The following KCNMA1 variants were observed in gnomAD, a reference collection of about 807,000 sequenced individuals.
KCNMA1 encodes potassium calcium-activated channel subfamily M alpha 1, also known as Calcium-activated potassium channel subunit alpha-1.
In KCNMA1, 29 loss-of-function variants were observed where a neutral mutation model predicts 140.0. The ratio of observed to expected loss-of-function variants is 0.21; its 90% CI spans 0.15 to 0.28. The LOEUF (loss-of-function observed/expected upper bound fraction) is 0.28, where lower values mean the gene tolerates loss of function less well. KCNMA1 is among the 10% of genes least tolerant of loss of function. The pLI is 1.00. For synonymous variants in KCNMA1, 612 were observed against 611.9 expected (o/e 1.00, Z 0.00); for missense variants, 880 against 1,602.2 (o/e 0.55, Z 7.70).
rs139142333 is a variant in KCNMA1 at position 77,269,128 on chromosome 10, C to A, written c.541-17872G>T. Among the ~76,000 whole-genome samples, 63 of 152,280 alleles carry A rather than the reference C, an allele frequency of 4.1e-4. No homozygotes were observed. The East Asian group carries it at 0.011, about 27-fold the overall frequency. ...CTTCATTTCAGGGGCTTCTAGAAGA[C>A]CCCCTTTCCCCGAAAAGTATTCTCT... On this transcript the variant is annotated intron_variant, in intron 2 of 27. Coordinates refer to ENST00000286628, the MANE Select transcript of KCNMA1 (RefSeq NM_001161352.2).
intron 3 of KCNMA1, among the ~76,000 whole-genome samples, chr10:77,218,980 C>T (rs2048694008): frequency 6.6e-6 from 1 of 152,134 alleles, no homozygotes; most frequent in African/African-American, 2.4e-5. Context: ...AGCTACTGCG[C>T]CTGGCCTTAT....
chr10:77,236,563 C>A (rs1196031820), intron 3 of KCNMA1, among the ~76,000 whole-genome samples: 1 of 152,222 alleles, frequency 6.6e-6, no homozygotes, highest in Admixed American at 6.5e-5. Flanking sequence ...CTGCAACCAG[C>A]AAGTATGCTG....
intron 16 of KCNMA1, 189 bp from the exon 17 acceptor site, chr10:77,019,288 CACT>C (rs1233579185): frequency 5.0e-6 from 3 of 597,284 alleles, no homozygotes; most frequent in Non-Finnish European, 9.0e-6. Flanking sequence ...CATCATTAAG[CACT>C]ACTGCTTACT....
chr10:77,488,517 T>A (rs970316870), intron 1 of KCNMA1, among the ~76,000 whole-genome samples: 3 of 152,094 alleles, frequency 2.0e-5, no homozygotes, highest in African/African-American at 7.2e-5. Context: ...TGAGCCAGCA[T>A]CCCCTTCTGA....
chr10:77,053,092 C>T (rs2095428662), intron 14 of KCNMA1, among the ~76,000 whole-genome samples: 1 of 152,162 alleles, frequency 6.6e-6, no homozygotes, highest in Admixed American at 6.5e-5. Flanking sequence ...CAGGCCATCA[C>T]CCTGCAGTTG....
At chr10:76,909,210 A>G (rs777812288) in intron 25 of KCNMA1, among the ~76,000 whole-genome samples, 3 of 151,962 alleles carry the variant, frequency 2.0e-5, no homozygotes, top group Non-Finnish European at 2.9e-5. Context: ...CTCATGCTCA[A>G]TCTTTTCCCA....
rs76986175 is a variant in KCNMA1 at position 76,932,948 on chromosome 10, C to T, written c.2902+11825G>A. Among the ~76,000 whole-genome samples the T allele has an allele frequency of 4.4e-3, 671 of 152,220 alleles. 5 individuals are homozygous for T. Among genetic ancestry groups the T allele is most frequent in the African/African-American group, 0.015 (640 of 41,548 alleles). On this transcript the variant is annotated intron_variant, in intron 23 of 27. Transcript: ENST00000286628. ...AGGTCTCAGTCCTACAGCCTTGGGC[C>T]CTGGGTTGGTACTGTGTAATAGTAC... is the stretch of plus-strand genomic sequence containing the variant.
exon 28 of KCNMA1, chr10:76,869,882 C>T (rs2030876376): frequency 6.6e-6 from 1 of 152,542 alleles, no homozygotes; most frequent in African/African-American, 2.4e-5. Flanking sequence ...GTAGGCTGAA[C>T]TCTGCATGTG....
At chr10:77,349,283 C>T (rs1278494826) in intron 2 of KCNMA1, among the ~76,000 whole-genome samples, 1 of 152,132 alleles carries the variant, frequency 6.6e-6, no homozygotes, top group African/African-American at 2.4e-5. Context: ...CAAGAAAGTG[C>T]CATCTATGAA....
Position 77,544,091 on chromosome 10 carries a change from G to A in KCNMA1, c.378+93174C>T, listed in dbSNP as rs73284487. ...CTCTTTGTTAAAATTGGGATGTAGAGTGTGATCCCATTATTCTAAAATTAT... is the reference window on the plus strand; with the variant it reads ...CTCTTTGTTAAAATTGGGATGTAGAATGTGATCCCATTATTCTAAAATTAT... On this transcript the variant is annotated intron_variant, in intron 1 of 27. Transcript: ENST00000286628. 3.3e-3 allele frequency among the ~76,000 whole-genome samples: 508 copies of A among 152,000 alleles called. 3 individuals carry two copies. Among genetic ancestry groups the A allele is most frequent in the African/African-American group, 0.011 (474 of 41,428 alleles).
intron 20 of KCNMA1, among the ~76,000 whole-genome samples, chr10:76,966,088 T>C (rs1011566535): frequency 7.2e-5 from 11 of 152,246 alleles, no homozygotes; most frequent in African/African-American, 2.7e-4. Flanking sequence ...GGAAGTTCTT[T>C]AAGGGATCTA....
intron 13 of KCNMA1, 69 bp downstream of exon 13, chr10:77,079,412 A>C: frequency 1.3e-6 from 1 of 748,658 alleles, no homozygotes. Context: ...GTGAGCCTGT[A>C]TAATGAGGAA....
intron 19 of KCNMA1, among the ~76,000 whole-genome samples, chr10:76,972,203 T>A (rs371604561): frequency 2.6e-5 from 4 of 152,246 alleles, no homozygotes; most frequent in African/African-American, 9.6e-5. Context: ...CTAGTCGGGG[T>A]GCAAGTTCTG....
At chr10:77,397,220 G>A (rs1170573023) in intron 2 of KCNMA1, among the ~76,000 whole-genome samples, 3 of 152,034 alleles carry the variant, frequency 2.0e-5, no homozygotes, top group Non-Finnish European at 2.9e-5. Flanking sequence ...CTTGCTACTC[G>A]ACCTTAGAGA....
chr10:77,487,024 A>C (rs932347316), intron 1 of KCNMA1, among the ~76,000 whole-genome samples: 1 of 152,236 alleles, frequency 6.6e-6, no homozygotes, highest in Non-Finnish European at 1.5e-5. Context: ...GGTTTCAAGA[A>C]TCCCTGCAGG....
At chr10:76,976,334 G>A (rs2077507470) in intron 19 of KCNMA1, among the ~76,000 whole-genome samples, 1 of 152,116 alleles carries the variant, frequency 6.6e-6, no homozygotes, top group African/African-American at 2.4e-5. Flanking sequence ...ATCACAGGGT[G>A]TATTTCTGGC....
chr10:77,420,099 T>C (rs1036696550), intron 1 of KCNMA1, among the ~76,000 whole-genome samples: 1 of 152,254 alleles, frequency 6.6e-6, no homozygotes, highest in Non-Finnish European at 1.5e-5. Flanking sequence ...GCCCTGGCCA[T>C]CAGTGAAAGA....
intron 5 of KCNMA1, among the ~76,000 whole-genome samples, chr10:77,153,917 A>G (rs1001224070): frequency 6.6e-6 from 1 of 152,050 alleles, no homozygotes; most frequent in Non-Finnish European, 1.5e-5. Context: ...TAACTTTCCC[A>G]ACGTCATTTG....
intron 16 of KCNMA1, chr10:77,020,261 A>G (rs1488395006): frequency 6.6e-6 from 1 of 152,200 alleles, no homozygotes; most frequent in African/African-American, 2.4e-5. Context: ...CTGATAAACC[A>G]TTCCAGAGAA....
Sources: gnomAD v4.1 joint callset for allele counts (sites outside exome capture counted in the v4.1 genomes callset) on GRCh38, gnomAD v4.1.1 for gene constraint, MANE v1.5 for transcripts, NCBI Gene and HGNC (gene_info 2026-07-23, HGNC 2026-07-21) for gene names.